DVL1: variants seen among roughly 807,000 people sequenced by gnomAD.
DVL1 encodes the protein dishevelled segment polarity protein 1, also known as segment polarity protein dishevelled homolog DVL-1.
Under a neutral mutation model 65.0 loss-of-function variants are expected in DVL1, and 49 were observed. The observed-to-expected ratio is 0.75, with a 90% confidence interval of 0.60 to 0.96. DVL1 has a LOEUF of 0.96. Among genes scored for constraint, DVL1 ranks in the 40% least tolerant of loss-of-function variants. The pLI is 0.00. For synonymous variants in DVL1, 608 were observed against 433.9 expected, an observed-to-expected ratio of 1.40 and a Z score of -4.99; for missense variants, 1,197 against 1,045.4, an observed-to-expected ratio of 1.15 and a Z score of -2.00.
chr1:1,343,408 C>G (rs933404882), intron 1 of DVL1, among the ~76,000 whole-genome samples: 1 of 152,214 alleles, frequency 6.6e-6, no homozygotes, highest in Non-Finnish European at 1.5e-5. Context: ...GCTCCACCTC[C>G]CAGCCAGCTC....
intron 1 of DVL1, among the ~76,000 whole-genome samples, chr1:1,348,033 C>G (rs980227808): frequency 1.3e-5 from 2 of 152,174 alleles, no homozygotes; most frequent in Non-Finnish European, 2.9e-5. Flanking sequence ...ACAAGGACAC[C>G]GCTTGCCGGA....
chr1:1,336,496 G>A lies in DVL1; in HGVS notation c.1734C>T (p.Ser578=), dbSNP rs1230084596. The A allele has an allele frequency of 1.3e-6, 2 of 1,526,894 alleles. No individual in the cohort carries two copies. The highest frequency in any genetic ancestry group is 2.5e-5 in the South Asian group (2 of 79,498). 94.6% of individuals were successfully genotyped at this position (1,526,894 alleles called of 1,614,324 possible). A position where few individuals can be genotyped will look rare whatever the true frequency, so the allele number is the denominator to read the frequency against. Residue 578 remains serine, a synonymous_variant, in exon 15 of 15, where the codon TCC becomes TCT. Coordinates refer to ENST00000378888, the MANE Select transcript of DVL1 (RefSeq NM_001330311.2). ...QQSEGSKSSG[S]TRSSRRAPGR... is the part of the protein sequence containing the mutation. ...CCGGGGCCCGGCGGCTGCTCCGGGT[G>A]GACCCACTGCTTTTGCTCCCTGGGA...
chr1:1,348,317 T>C (rs1264068834), intron 1 of DVL1, among the ~76,000 whole-genome samples: 1 of 152,096 alleles, frequency 6.6e-6, no homozygotes, highest in East Asian at 1.9e-4. Flanking sequence ...GCTTTGTGGC[T>C]CAGTGGGGAC....
intron 13 of DVL1, 36 bp from the exon 14 acceptor site, chr1:1,338,219 C>A (rs747188657): frequency 5.0e-6 from 8 of 1,594,066 alleles, no homozygotes; most frequent in East Asian, 2.2e-5. Context: ...CGCGGAGGGG[C>A]CTCCGGCGTT....
intron 5 of DVL1, among the ~76,000 whole-genome samples, chr1:1,340,752 A>ATGCACACC (rs1035617656): frequency 1.6e-4 from 24 of 151,538 alleles, no homozygotes; most frequent in Middle Eastern, 3.2e-3. Flanking sequence ...ACCTGCACAC[A>ATGCACACC]TGCACACCTG....
In DVL1 at chr1:1,349,010, A is replaced by G; in HGVS notation, c.56T>C (p.Val19Ala). Residue 19 changes from valine (V) to alanine (A), a missense_variant, in exon 1 of 15, where the codon GTC becomes GCC. Val to Ala is a moderately conservative substitution (Grantham distance 64). Transcript: ENST00000378888. This position sits in a 1 kb window ranked among gnomAD's most constrained non-coding sequence, Gnocchi z 4.1. ...HMDEEETPYL[V>A]KLPVAPERVT... is the part of the protein sequence containing the mutation. Reference sequence around the variant, plus strand: ...GCGCTCGGGGGCCACGGGCAGCTTGACCAGGTACGGCGTCTCCTCCTCGTC... The same window carrying G: ...GCGCTCGGGGGCCACGGGCAGCTTGGCCAGGTACGGCGTCTCCTCCTCGTC... 6.4e-7 allele frequency: 1 copy of G among 1,573,954 alleles called. No individual in the cohort carries two copies. The highest frequency in any genetic ancestry group is 8.6e-7 in the Non-Finnish European group (1 of 1,157,686).
Position 1,335,329 on chromosome 1 carries a change from G to A in DVL1, c.*813C>T, listed in dbSNP as rs756342913. The A allele has an allele frequency of 6.6e-6, 1 of 152,276 alleles. No homozygotes were observed. Among genetic ancestry groups the A allele is most frequent in the African/African-American group, 2.4e-5 (1 of 41,462 alleles). The allele number at this position is 152,276 out of a possible 1,614,324, so 9.4% of individuals were successfully genotyped here. ...GTTTAAAATAAGCAGCATTTACACA[G>A]AAGCAGCTCTATGTTAACCATCTAA... On this transcript the variant is annotated 3_prime_UTR_variant, in exon 15 of 15. Coordinates refer to ENST00000378888, the MANE Select transcript of DVL1 (RefSeq NM_001330311.2).
chr1:1,340,158 G>A lies in DVL1; in HGVS notation c.789C>T (p.Gly263=). The change falls in exon 8 of 15, where the codon GGC becomes GGT. Residue 263 remains glycine, a synonymous_variant. Coordinates refer to ENST00000378888, the MANE Select transcript of DVL1 (RefSeq NM_001330311.2). The part of the protein sequence containing the change: ...TLNMERHHFL[G]ISIVGQSNDR... The stretch of plus-strand genomic sequence containing the variant: ...CGTTGCTCTGCCCCACGATGCTGAT[G>A]CCCAGAAAGTGATGTCTTTCTGCAG... 1.9e-6 allele frequency: 3 copies of A among 1,613,654 alleles called. No individual in the cohort carries two copies. Among genetic ancestry groups the A allele is most frequent in the East Asian group, 2.2e-5 (1 of 44,860 alleles).
Position 1,340,129 on chromosome 1 carries a change from C to T in DVL1, c.818G>A (p.Arg273His), listed in dbSNP as rs375062198. Residue 273 changes from arginine (R) to histidine (H), a missense_variant, in exon 8 of 15, where the codon CGT (arginine) becomes CAT (histidine). Physicochemically the swap from Arg to His is conservative, Grantham distance 29 (BLOSUM62 0). Coordinates refer to ENST00000378888, the MANE Select transcript of DVL1 (RefSeq NM_001330311.2). ...GCCAATGTAGATGCCGCCGTCTCCA[C>T]GGTCGTTGCTCTGCCCCACGATGCT... Reference protein sequence around the residue: ...GISIVGQSNDRGDGGIYIGSI... With the variant: ...GISIVGQSNDHGDGGIYIGSI... 153 of 1,613,540 alleles carry T rather than the reference C, an allele frequency of 9.5e-5. No homozygotes were observed. Among genetic ancestry groups the T allele is most frequent in the Non-Finnish European group, 1.2e-4 (140 of 1,179,992 alleles).
intron 14 of DVL1, chr1:1,337,172 G>A (rs767838187): frequency 2.3e-6 from 2 of 869,056 alleles, no homozygotes; most frequent in Admixed American, 5.8e-5. Context: ...GCTGAAGTGG[G>A]CGCAAGCGCC....
chr1:1,341,208 C>G (rs914969151), intron 5 of DVL1, among the ~76,000 whole-genome samples: 3 of 150,558 alleles, frequency 2.0e-5, no homozygotes, highest in Admixed American at 6.6e-5. Context: ...CACACCTGCA[C>G]ACACGCACAC....
chr1:1,348,925 G>C lies in DVL1; in HGVS notation c.141C>G (p.Phe47Leu), dbSNP rs746226385. 1 of 1,571,626 alleles carries C rather than the reference G, an allele frequency of 6.4e-7. No individual in the cohort carries two copies. Among genetic ancestry groups the C allele is most frequent in the African/African-American group, 1.4e-5 (1 of 71,940 alleles). The stretch of plus-strand genomic sequence containing the variant: ...AGTCCTGGTCCATGGACTTAAAGAA[G>C]AATTTGTAGGCGTGCACGGGCCGGT... ...LSNRPVHAYKFFFKSMDQDFG... is the reference protein window; with the variant it reads ...LSNRPVHAYKLFFKSMDQDFG... The change falls in exon 1 of 15, where the codon TTC becomes TTG. Residue 47 changes from phenylalanine (F) to leucine (L), a missense_variant. Transcript: ENST00000378888.
chr1:1,348,297 G>C (rs1401264172), intron 1 of DVL1, among the ~76,000 whole-genome samples: 1 of 152,176 alleles, frequency 6.6e-6, no homozygotes, highest in Non-Finnish European at 1.5e-5. Context: ...GCTGCTCCGG[G>C]AACGCAAGTG....
chr1:1,346,841 C>T (rs879817659), intron 1 of DVL1, among the ~76,000 whole-genome samples: 3 of 152,210 alleles, frequency 2.0e-5, no homozygotes, highest in South Asian at 2.1e-4. Flanking sequence ...CAGCGAGGAC[C>T]TGCCTTCTCT....
Position 1,338,748 on chromosome 1 carries a change from C to A in DVL1, c.1208-95G>T, listed in dbSNP as rs912345080. 6.7e-6 allele frequency: 10 copies of A among 1,495,766 alleles called. No individual in the cohort carries two copies. The South Asian group carries it at 1.3e-4, about 19-fold the overall frequency. 92.7% of individuals were successfully genotyped at this position (1,495,766 alleles called of 1,614,324 possible). On this transcript the variant is annotated intron_variant, in intron 11 of 14. Coordinates refer to ENST00000378888, the MANE Select transcript of DVL1 (RefSeq NM_001330311.2). Reference sequence around the variant, plus strand: ...CAGGGGAGCCTCTGGGCAGAGCCTGCGCCAGGGCGCAAGCTGGACGGTGCG... The same window carrying A: ...CAGGGGAGCCTCTGGGCAGAGCCTGAGCCAGGGCGCAAGCTGGACGGTGCG...
Position 1,342,370 on chromosome 1 carries a change from AG to A in DVL1, c.354del (p.Ser119ProfsTer122). 2 of 1,578,248 alleles carry A rather than the reference AG, an allele frequency of 1.3e-6. No individual in the cohort carries two copies. ...CGCCCACGGTGTCCTTACTGGAAGG[AG>A]GGGGGCCGGGAGTCCCCGATGCCGC... ...RTGGIGDSRP[P>X]SFHPNVASSR... On this transcript the variant is annotated frameshift_variant, in exon 3 of 15. Transcript: ENST00000378888. LOFTEE classifies it high-confidence loss of function.
rs932191427 is a variant in DVL1, at chr1:1,339,273, G to A, written c.1207+14C>T. On this transcript the variant is annotated intron_variant, in intron 11 of 14. Transcript: ENST00000378888. ...CCTCGGTTTCTGCTGGGGCCCTCAGGAGCTGCCACTTACGTGGAGCACCAG... is the reference window on the plus strand; with the variant it reads ...CCTCGGTTTCTGCTGGGGCCCTCAGAAGCTGCCACTTACGTGGAGCACCAG... The A allele has an allele frequency of 1.3e-6, 2 of 1,548,332 alleles. No homozygotes were observed. Among genetic ancestry groups the A allele is most frequent in the South Asian group, 2.4e-5 (2 of 83,968 alleles).
Position 1,336,392 on chromosome 1 carries a change from C to A in DVL1, c.1838G>T (p.Gly613Val). 1 of 1,599,226 alleles carries A rather than the reference C, an allele frequency of 6.3e-7. No homozygotes were observed. Among genetic ancestry groups the A allele is most frequent in the Non-Finnish European group, 8.5e-7 (1 of 1,178,550 alleles). The change falls in exon 15 of 15, where the codon GGG (glycine) becomes GTG (valine). Residue 613 changes from glycine to valine, a missense_variant. Gly to Val is a moderately radical substitution (Grantham distance 109). Transcript: ENST00000378888. ...ESDHTAPSGVGSSWRERPAGQ... is the reference protein window; with the variant it reads ...ESDHTAPSGVVSSWRERPAGQ... ...GGCCGGACGCTCTCGCCAGCTGCTC[C>A]CCACCCCACTCGGTGCCGTGTGATC...
chr1:1,348,746 G>T, intron 1 of DVL1, 150 bp downstream of exon 1: 1 of 597,646 alleles, frequency 1.7e-6, no homozygotes, highest in African/African-American at 2.0e-5. Flanking sequence ...ACGGGCCGAG[G>T]CCGCCACCCG....
Sources: gnomAD v4.1 joint callset for allele counts (sites outside exome capture counted in the v4.1 genomes callset) on GRCh38, gnomAD v4.1.1 for gene constraint, Gnocchi (gnomAD v3.1) non-coding constraint, MANE v1.5 for transcripts, NCBI Gene and HGNC (gene_info 2026-07-23, HGNC 2026-07-21) for gene names.